Variants in DNAH11 observed in about 807,000 individuals in gnomAD.
The protein encoded by DNAH11 is axonemal beta dynein heavy chain 11.
DNAH11 carries 442 observed loss-of-function variants against 526.0 expected under a neutral mutation model. That is an observed-to-expected ratio of 0.84 (90% CI 0.78 to 0.91). The LOEUF (loss-of-function observed/expected upper bound fraction) is 0.91, where lower values mean the gene tolerates loss of function less well. Ranked by LOEUF, DNAH11 falls within the 40% of genes least tolerant of loss-of-function variation. DNAH11 has a pLI of 0.00. For missense variants in DNAH11, 6,989 were observed against 5,448.7 expected (o/e 1.28, Z -8.90); for synonymous variants, 2,461 against 1,935.9 (o/e 1.27, Z -7.12).
chr7:21,624,396 G>A (rs1786234172), intron 25 of DNAH11, among the ~76,000 whole-genome samples: 1 of 152,024 alleles, frequency 6.6e-6, no homozygotes, highest in Non-Finnish European at 1.5e-5. Context: ...GCTGATTTTT[G>A]TGTGTTGGTT....
At chr7:21,709,353 A>C (rs968893230) in intron 40 of DNAH11, among the ~76,000 whole-genome samples, 17 of 152,200 alleles carry the variant, frequency 1.1e-4, no homozygotes, top group African/African-American at 3.6e-4. Flanking sequence ...ATTCTTATTC[A>C]CAAGTGGGAG....
At chr7:21,674,842 A>G (rs1439036140) in intron 30 of DNAH11, among the ~76,000 whole-genome samples, 2 of 151,536 alleles carry the variant, frequency 1.3e-5, no homozygotes, top group East Asian at 3.9e-4. Context: ...TTGCCTCCCA[A>G]CGTGCCCAAC....
intron 8 of DNAH11, among the ~76,000 whole-genome samples, chr7:21,573,692 T>C (rs147823152): frequency 6.6e-6 from 1 of 152,274 alleles, no homozygotes; most frequent in Non-Finnish European, 1.5e-5. Flanking sequence ...ACCTAGTGTA[T>C]GCATATATTT....
intron 36 of DNAH11, 95 bp from the exon 37 acceptor site, chr7:21,702,615 G>T: frequency 2.1e-6 from 2 of 949,556 alleles, no homozygotes; most frequent in South Asian, 2.9e-5. Flanking sequence ...GTATTTATCT[G>T]AACTCCTTCT....
intron 35 of DNAH11, 129 bp downstream of exon 35, chr7:21,691,010 T>C (rs778780557): frequency 1.5e-5 from 10 of 671,296 alleles, no homozygotes; most frequent in African/African-American, 3.8e-5. Context: ...TTCCTTGGGC[T>C]CCTTTTATAG....
chr7:21,750,370 A>T lies in DNAH11; in HGVS notation c.8940+6A>T. 2 of 1,595,652 alleles carry T rather than the reference A, an allele frequency of 1.3e-6. No individual in the cohort carries two copies. The highest frequency in any genetic ancestry group is 1.7e-6 in the Non-Finnish European group (2 of 1,170,986). Reference sequence around the variant, plus strand: ...GGGTGCGACTACAGCTCAAAGTAAGAAATACTTGCTTAATTTGCATGTTAG... The same window carrying T: ...GGGTGCGACTACAGCTCAAAGTAAGTAATACTTGCTTAATTTGCATGTTAG... On this transcript the variant is annotated splice_donor_region_variant and intron_variant, in intron 54 of 81. Coordinates refer to ENST00000409508, the MANE Select transcript of DNAH11 (RefSeq NM_001277115.2).
At chr7:21,641,942 A>G (rs1787149149) in intron 28 of DNAH11, among the ~76,000 whole-genome samples, 1 of 152,232 alleles carries the variant, frequency 6.6e-6, no homozygotes, top group Non-Finnish European at 1.5e-5. Context: ...TGTTAAAATC[A>G]TAGCGTAGAG....
intron 2 of DNAH11, among the ~76,000 whole-genome samples, 180 bp downstream of exon 2, chr7:21,545,329 G>A (rs1782768288): frequency 6.9e-6 from 1 of 144,518 alleles, no homozygotes; most frequent in South Asian, 2.4e-4. Flanking sequence ...TAGCCAGGTG[G>A]ATGGAGTCAT....
Position 21,901,380 on chromosome 7 carries a change from G to C in DNAH11, c.*126G>C. The C allele has an allele frequency of 1.5e-6, 2 of 1,298,462 alleles. No homozygotes were observed. The highest frequency in any genetic ancestry group is 2.0e-6 in the Non-Finnish European group (2 of 1,000,104). 80.4% of individuals were successfully genotyped at this position (1,298,462 alleles called of 1,614,324 possible). ...CTCACACGTGCATTCTTTTTTCAAC[G>C]CTATCCTTAGAGTGAAAGTCAGAAA... On this transcript the variant is annotated 3_prime_UTR_variant, in exon 82 of 82. Transcript: ENST00000409508.
At chr7:21,602,218 T>C (rs1276904395) in intron 18 of DNAH11, among the ~76,000 whole-genome samples, 1 of 152,076 alleles carries the variant, frequency 6.6e-6, no homozygotes, top group Non-Finnish European at 1.5e-5. Context: ...CACGCACCTG[T>C]AGTCCACCTA....
At chr7:21,713,971 C>G (rs889219246) in intron 42 of DNAH11, among the ~76,000 whole-genome samples, 1 of 152,196 alleles carries the variant, frequency 6.6e-6, no homozygotes, top group South Asian at 2.1e-4. Flanking sequence ...CCCTGACTCC[C>G]TCTGTACAGA....
At chr7:21,663,629 G>T (rs966948684) in intron 30 of DNAH11, among the ~76,000 whole-genome samples, 2 of 151,850 alleles carry the variant, frequency 1.3e-5, no homozygotes, top group Non-Finnish European at 2.9e-5. Flanking sequence ...TTTGAAAAAT[G>T]TTTATTCATG....
Position 21,545,077 on chromosome 7 carries a change from C to G in DNAH11, c.423C>G (p.Asp141Glu). ...TTACTGAAAGCATTGGAGTAAATGA[C>G]TTTTCTCAAGTGGTTTTATTTGGAG... ...KKITESIGVN[D>E]FSQVVLFGEL... The change falls in exon 2 of 82, where the codon GAC becomes GAG. Residue 141 changes from aspartate to glutamate, a missense_variant. Coordinates refer to ENST00000409508, the MANE Select transcript of DNAH11 (RefSeq NM_001277115.2). The G allele has an allele frequency of 6.2e-7, 1 of 1,607,296 alleles. No individual in the cohort carries two copies. Among genetic ancestry groups the G allele is most frequent in the Non-Finnish European group, 8.5e-7 (1 of 1,176,314 alleles).
At chr7:21,597,935 C>T (rs1170834685) in intron 14 of DNAH11, among the ~76,000 whole-genome samples, 1 of 152,134 alleles carries the variant, frequency 6.6e-6, no homozygotes, top group East Asian at 1.9e-4. Flanking sequence ...GTGCATGTCA[C>T]ATGATTACAC....
intron 28 of DNAH11, among the ~76,000 whole-genome samples, chr7:21,647,811 T>G (rs978748047): frequency 6.6e-6 from 1 of 152,150 alleles, no homozygotes; most frequent in African/African-American, 2.4e-5. Flanking sequence ...TAAAAATACC[T>G]TTTTAAAAAA....
intron 55 of DNAH11, among the ~76,000 whole-genome samples, chr7:21,767,343 T>C (rs560256201): frequency 6.6e-6 from 1 of 152,324 alleles, no homozygotes; most frequent in South Asian, 2.1e-4. Flanking sequence ...AGTTGGCATG[T>C]GGCACAGTGC....
chr7:21,840,898 T>G (rs1782179538), intron 65 of DNAH11, among the ~76,000 whole-genome samples: 1 of 152,122 alleles, frequency 6.6e-6, no homozygotes, highest in Non-Finnish European at 1.5e-5. Flanking sequence ...ATATATGTGT[T>G]GGGCTGGGTG....
rs1784446187 is a variant in DNAH11, at chr7:21,894,716, G to A, written c.12844G>A (p.Val4282Ile). 6.2e-7 allele frequency: 1 copy of A among 1,613,776 alleles called. No homozygotes were observed. The highest frequency in any genetic ancestry group is 8.5e-7 in the Non-Finnish European group (1 of 1,179,812). Residue 4282 changes from valine (V) to isoleucine (I), a missense_variant, in exon 78 of 82, where the codon GTT (valine) becomes ATT (isoleucine). Coordinates refer to ENST00000409508, the MANE Select transcript of DNAH11 (RefSeq NM_001277115.2). ...MQKNSNRSPY[V>I]LVCFQECERM... ...AAAAAATTCAAATAGAAGCCCATAT[G>A]TTCTTGTTTGCTTCCAAGAATGTGA...
chr7:21,771,790 G>A (rs905995786), intron 55 of DNAH11, among the ~76,000 whole-genome samples: 2 of 151,892 alleles, frequency 1.3e-5, no homozygotes, highest in African/African-American at 4.8e-5. Context: ...ACAGCATTGC[G>A]TAGCCCTCGC....
Sources: gnomAD v4.1 joint callset for allele counts (sites outside exome capture counted in the v4.1 genomes callset) on GRCh38, gnomAD v4.1.1 for gene constraint, MANE v1.5 for transcripts, NCBI Gene and HGNC (gene_info 2026-07-23, HGNC 2026-07-21) for gene names.